Variants in GRID2 observed in about 807,000 individuals in gnomAD.
The protein encoded by GRID2 is glutamate ionotropic receptor delta type subunit 2, also known as glutamate receptor ionotropic, delta-2.
GRID2 carries 33 observed loss-of-function variants against 114.8 expected under a neutral mutation model. The ratio of observed to expected loss-of-function variants is 0.29; its 90% CI spans 0.22 to 0.38. GRID2 has a LOEUF of 0.38. Ranked by LOEUF, GRID2 falls within the 10% of genes least tolerant of loss-of-function variation. GRID2 has a pLI of 1.00. For missense variants in GRID2, 1,184 were observed against 1,257.7 expected, an observed-to-expected ratio of 0.94 and a Z score of 0.89; for synonymous variants, 505 against 449.9, an observed-to-expected ratio of 1.12 and a Z score of -1.55.
chr4:92,564,564 AG>A (rs1298629999), intron 1 of GRID2, among the ~76,000 whole-genome samples: 10 of 151,998 alleles, frequency 6.6e-5, no homozygotes, highest in Non-Finnish European at 1.2e-4. Context: ...TTTAGAGAGT[AG>A]AAGGGTTTCT....
intron 13 of GRID2, among the ~76,000 whole-genome samples, chr4:93,601,437 G>T (rs1739673464): frequency 6.6e-6 from 1 of 152,034 alleles, no homozygotes; most frequent in Non-Finnish European, 1.5e-5. Flanking sequence ...TCCTTTTCCT[G>T]GGGTTTACTC....
At chr4:93,336,350 TGTAG>T (rs1484535058) in intron 8 of GRID2, among the ~76,000 whole-genome samples, 13 of 152,222 alleles carry the variant, frequency 8.5e-5, no homozygotes, top group Non-Finnish European at 1.2e-4. Context: ...TTTATGCTAA[TGTAG>T]GTAGCTCTAT....
intron 2 of GRID2, among the ~76,000 whole-genome samples, chr4:92,700,104 A>T (rs2149300445): frequency 6.6e-6 from 1 of 152,296 alleles, no homozygotes; most frequent in South Asian, 2.1e-4. Context: ...AATACATGGA[A>T]AAAAATACTT....
intron 1 of GRID2, among the ~76,000 whole-genome samples, chr4:92,446,272 A>G (rs566504795): frequency 6.6e-6 from 1 of 152,260 alleles, no homozygotes; most frequent in African/African-American, 2.4e-5. Context: ...TTTAAATTGT[A>G]TGTTCTTACC....
chr4:93,429,935 C>T (rs1346553668), intron 10 of GRID2, among the ~76,000 whole-genome samples: 2 of 151,930 alleles, frequency 1.3e-5, no homozygotes, highest in African/African-American at 2.4e-5. Context: ...TAATAAGATA[C>T]TATTTAGTAA....
chr4:93,336,613 G>A (rs537172816), intron 8 of GRID2, among the ~76,000 whole-genome samples: 3 of 152,278 alleles, frequency 2.0e-5, no homozygotes, highest in South Asian at 2.1e-4. Context: ...TTCCCTAGGT[G>A]TTGACAATTG....
At chr4:93,517,042 A>G (rs1307101964) in intron 13 of GRID2, among the ~76,000 whole-genome samples, 2 of 152,072 alleles carry the variant, frequency 1.3e-5, no homozygotes, top group African/African-American at 2.4e-5. Context: ...AATAAAATGT[A>G]TAAACATAAC....
At chr4:93,072,786 T>A (rs1188659131) in intron 2 of GRID2, among the ~76,000 whole-genome samples, 9 of 152,180 alleles carry the variant, frequency 5.9e-5, no homozygotes, top group Admixed American at 6.6e-5. Context: ...TACTAGTCTA[T>A]CATTTACCAC....
chr4:93,648,118 C>CG (rs1227266099), intron 14 of GRID2, among the ~76,000 whole-genome samples: 11 of 151,886 alleles, frequency 7.2e-5, no homozygotes, highest in African/African-American at 2.4e-4. Context: ...GAAAGAGGGA[C>CG]GATACCATAA....
intron 2 of GRID2, among the ~76,000 whole-genome samples, chr4:92,942,358 T>C (rs1751220929): frequency 6.6e-6 from 1 of 152,232 alleles, no homozygotes; most frequent in Non-Finnish European, 1.5e-5. Flanking sequence ...TTTGTTGGTT[T>C]AAAGTCTGTT....
chr4:92,337,448 T>C, intron 1 of GRID2, among the ~76,000 whole-genome samples: 1 of 152,038 alleles, frequency 6.6e-6, no homozygotes, highest in African/African-American at 2.4e-5. Context: ...AGAAGAAAAG[T>C]GAACTGAGTG....
At chr4:92,364,559 GA>G (rs1364247633) in intron 1 of GRID2, among the ~76,000 whole-genome samples, 2 of 151,804 alleles carry the variant, frequency 1.3e-5, no homozygotes, top group East Asian at 1.9e-4. Flanking sequence ...AAAATCAAAA[GA>G]TTTTTTTTTC....
chr4:93,159,113 G>A (rs778741200), intron 4 of GRID2, among the ~76,000 whole-genome samples: 2 of 150,120 alleles, frequency 1.3e-5, no homozygotes, highest in African/African-American at 4.9e-5. Context: ...AATACTCCTC[G>A]CAAGCTGTGC....
chr4:93,310,672 T>C (rs1356177839), intron 8 of GRID2, among the ~76,000 whole-genome samples: 1 of 152,164 alleles, frequency 6.6e-6, no homozygotes, highest in Non-Finnish European at 1.5e-5. Flanking sequence ...AATAAAGCAA[T>C]GCTAAATGTA....
chr4:92,756,584 T>C lies in GRID2; in HGVS notation c.244+166298T>C, dbSNP rs538642840. 5.3e-5 allele frequency among the ~76,000 whole-genome samples: 8 copies of C among 152,308 alleles called. No individual in the cohort carries two copies. In the South Asian group the frequency reaches 1.5e-3, roughly 28 times the overall value. On this transcript the variant is annotated intron_variant, in intron 2 of 15. Transcript: ENST00000282020. The stretch of plus-strand genomic sequence containing the variant: ...ACCAACAATGTATAACAATTCCCTT[T>C]TCTCTGCATCTTTGCCAGTATTAAT...
intron 2 of GRID2, chr4:92,884,917 G>T (rs746491523): frequency 8.4e-6 from 3 of 357,030 alleles, no homozygotes; most frequent in Non-Finnish European, 1.7e-5. Context: ...ATGATAAGCT[G>T]GTGACATTTG....
chr4:92,762,204 C>T (rs537979230), intron 2 of GRID2, among the ~76,000 whole-genome samples: 131 of 152,174 alleles, frequency 8.6e-4, no homozygotes, highest in Non-Finnish European at 1.6e-3. Flanking sequence ...TGAGCCACCG[C>T]GCCCAGCCTA....
intron 1 of GRID2, among the ~76,000 whole-genome samples, chr4:92,510,412 A>G (rs1188038420): frequency 6.6e-6 from 1 of 151,888 alleles, no homozygotes; most frequent in African/African-American, 2.4e-5. Context: ...ATAACCCTGA[A>G]ATACACATTG....
At chr4:92,611,132 ATGTGTGTGTG>A (rs1165644955) in intron 2 of GRID2, among the ~76,000 whole-genome samples, 2 of 133,660 alleles carry the variant, frequency 1.5e-5, no homozygotes, top group African/African-American at 2.8e-5. Context: ...GTGTGTGTGC[ATGTGTGTGTG>A]TGCATGTGTG....
Sources: allele counts gnomAD v4.1 joint callset (sites outside exome capture counted in the v4.1 genomes callset), GRCh38; gene constraint gnomAD v4.1.1; transcripts MANE v1.5; gene names NCBI Gene and HGNC (gene_info 2026-07-23, HGNC 2026-07-21).